Variants in TMEM272 observed in about 807,000 individuals in gnomAD.
TMEM272 encodes the protein transmembrane protein 272.
In TMEM272, 8 loss-of-function variants were observed where a neutral mutation model predicts 3.7. That is an observed-to-expected ratio of 2.17 (90% CI 1.27 to 3.91). TMEM272 has a LOEUF of 3.91. Ranked by LOEUF, TMEM272 falls within the 30% of genes most tolerant of loss-of-function variation. The probability of loss-of-function intolerance (pLI) is 0.00; values close to 1 mark genes in which losing one functional copy is unlikely to be tolerated. For synonymous variants in TMEM272, 63 were observed against 39.8 expected, an observed-to-expected ratio of 1.58 and a Z score of -2.20; for missense variants, 166 against 91.5, an observed-to-expected ratio of 1.81 and a Z score of -3.32.
chr13:51,829,950 C>T (rs1465136897), intron 2 of TMEM272, among the ~76,000 whole-genome samples: 1 of 152,180 alleles, frequency 6.6e-6, no homozygotes, highest in Non-Finnish European at 1.5e-5. Context: ...CCTCCCTATA[C>T]CAAAGGAAAG....
chr13:51,848,308 G>A (rs1157105989), upstream of TMEM272, among the ~76,000 whole-genome samples: 1 of 152,126 alleles, frequency 6.6e-6, no homozygotes, highest in South Asian at 2.1e-4. Context: ...AGAGATTAAA[G>A]GCATATGGCT....
the TMEM272 span, among the ~76,000 whole-genome samples, chr13:51,914,993 TA>T: frequency 6.6e-6 from 1 of 152,210 alleles, no homozygotes; most frequent in African/African-American, 2.4e-5. Flanking sequence ...AAGAAGGATA[TA>T]AAATTACAAA....
intron 4 of TMEM272, among the ~76,000 whole-genome samples, chr13:51,820,823 C>A (rs868724305): frequency 3.3e-5 from 5 of 152,222 alleles, no homozygotes; most frequent in Middle Eastern, 3.4e-3. Flanking sequence ...GAACAGAGTC[C>A]CAGGTAGATC....
At chr13:51,912,526 A>C in the TMEM272 span, among the ~76,000 whole-genome samples, 2 of 152,198 alleles carry the variant, frequency 1.3e-5, no homozygotes, top group Non-Finnish European at 2.9e-5. Flanking sequence ...CACACTTTCC[A>C]AATTTCCCTC....
chr13:51,832,708 C>T (rs2181890), intron 2 of TMEM272, among the ~76,000 whole-genome samples: 16,837 of 152,236 alleles, frequency 0.11, 1,012 homozygotes, highest in Middle Eastern at 0.2. Flanking sequence ...TGCATTGCCA[C>T]AGCCACCCAC....
the TMEM272 span, among the ~76,000 whole-genome samples, chr13:51,922,741 G>A: frequency 3.9e-5 from 6 of 152,344 alleles, no homozygotes; most frequent in East Asian, 7.7e-4. Context: ...TCCTTCTGGA[G>A]GCTCCAAGGG....
the TMEM272 span, among the ~76,000 whole-genome samples, chr13:51,880,628 T>C: frequency 6.7e-6 from 1 of 150,214 alleles, no homozygotes; most frequent in East Asian, 2.0e-4. Flanking sequence ...ATAAAAAAAT[T>C]GACAAAATAA....
the TMEM272 span, among the ~76,000 whole-genome samples, chr13:51,927,000 G>C: frequency 1.3e-5 from 2 of 152,136 alleles, no homozygotes; most frequent in South Asian, 2.1e-4. Context: ...CCAGCCTAAA[G>C]CATCTAGTGC....
At chr13:51,880,624 AAAT>A in the TMEM272 span, among the ~76,000 whole-genome samples, 19 of 152,208 alleles carry the variant, frequency 1.2e-4, no homozygotes, top group Non-Finnish European at 2.2e-4. Flanking sequence ...TAAAATAAAA[AAAT>A]TGACAAAATA....
chr13:51,915,056 A>G, the TMEM272 span, among the ~76,000 whole-genome samples: 1 of 152,248 alleles, frequency 6.6e-6, no homozygotes, highest in Admixed American at 6.5e-5. Context: ...TTCACGGCAA[A>G]TTACAAATAT....
At chr13:51,926,834 C>T in the TMEM272 span, among the ~76,000 whole-genome samples, 1 of 152,170 alleles carries the variant, frequency 6.6e-6, no homozygotes, top group African/African-American at 2.4e-5. Context: ...TGCATTTATA[C>T]TTCTAAGCAT....
At chr13:51,837,842 C>T (rs889876978) in intron 2 of TMEM272, among the ~76,000 whole-genome samples, 1 of 152,246 alleles carries the variant, frequency 6.6e-6, no homozygotes, top group African/African-American at 2.4e-5. Flanking sequence ...ACTGCAGCTT[C>T]CTGATATTAG....
intron 4 of TMEM272, among the ~76,000 whole-genome samples, chr13:51,819,656 T>C (rs912858285): frequency 6.6e-6 from 1 of 152,194 alleles, no homozygotes; most frequent in African/African-American, 2.4e-5. Flanking sequence ...TTGTTCCTTG[T>C]AGTCAAAGAA....
intron 1 of TMEM272, among the ~76,000 whole-genome samples, chr13:51,843,902 A>C (rs1956281860): frequency 6.6e-6 from 1 of 152,242 alleles, no homozygotes; most frequent in Non-Finnish European, 1.5e-5. Context: ...AGTCCAATTG[A>C]TATATCTCAG....
At chr13:51,911,171 T>C in the TMEM272 span, among the ~76,000 whole-genome samples, 3 of 152,242 alleles carry the variant, frequency 2.0e-5, no homozygotes, top group Admixed American at 2.0e-4. Flanking sequence ...TTATGCCCCA[T>C]GGTAAATTGT....
At chr13:51,839,524 G>A (rs1297831414) in intron 1 of TMEM272, among the ~76,000 whole-genome samples, 2 of 152,138 alleles carry the variant, frequency 1.3e-5, no homozygotes, top group Non-Finnish European at 2.9e-5. Context: ...AGTAGCCGCG[G>A]CTCCATTTAA....
At chr13:51,820,649 T>C (rs770090379) in intron 4 of TMEM272, among the ~76,000 whole-genome samples, 2 of 152,186 alleles carry the variant, frequency 1.3e-5, no homozygotes, top group Non-Finnish European at 2.9e-5. Context: ...AGCTTGACGA[T>C]GAGTGAGAAC....
the TMEM272 span, among the ~76,000 whole-genome samples, chr13:51,903,942 CGTGTGTGT>C: frequency 5.1e-5 from 7 of 136,552 alleles, no homozygotes; most frequent in East Asian, 4.3e-4. Context: ...CAGTCTTCCA[CGTGTGTGT>C]GTGTGTGTGT....
intron 4 of TMEM272, among the ~76,000 whole-genome samples, chr13:51,820,994 G>A (rs1956073792): frequency 6.6e-6 from 1 of 152,246 alleles, no homozygotes; most frequent in South Asian, 2.1e-4. Context: ...CCACGACAGA[G>A]TTGAGCTTGT....
Sources: gnomAD v4.1 joint callset for allele counts (sites outside exome capture counted in the v4.1 genomes callset) on GRCh38, gnomAD v4.1.1 for gene constraint, MANE v1.5 for transcripts, NCBI Gene and HGNC (gene_info 2026-07-23, HGNC 2026-07-21) for gene names.